PRKAR1B: variants seen among roughly 807,000 people sequenced by gnomAD.
PRKAR1B encodes the protein protein kinase cAMP-dependent type I regulatory subunit beta.
Under a neutral mutation model 46.5 loss-of-function variants are expected in PRKAR1B, and 22 were observed. The ratio of observed to expected loss-of-function variants is 0.47; its 90% confidence interval spans 0.34 to 0.68. PRKAR1B has a LOEUF of 0.68. Ranked by LOEUF, PRKAR1B falls within the 30% of genes least tolerant of loss-of-function variation. The probability of loss-of-function intolerance (pLI) is 0.01; values close to 1 mark genes in which losing one functional copy is unlikely to be tolerated. For missense variants in PRKAR1B, 445 were observed against 535.6 expected, an observed-to-expected ratio of 0.83 and a Z score of 1.67; for synonymous variants, 259 against 217.7, an observed-to-expected ratio of 1.19 and a Z score of -1.67.
At chr7:580,163 C>T (rs188967463) in intron 8 of PRKAR1B, among the ~76,000 whole-genome samples, 7 of 149,744 alleles carry the variant, frequency 4.7e-5, no homozygotes, top group African/African-American at 1.7e-4. Context: ...CGCGGGAGGT[C>T]GCGGCTGCAG....
At chr7:587,473 TG>T (rs1345352700) in intron 7 of PRKAR1B, among the ~76,000 whole-genome samples, 1 of 152,246 alleles carries the variant, frequency 6.6e-6, no homozygotes, top group African/African-American at 2.4e-5. Flanking sequence ...AGTGGGGGTC[TG>T]CCCTGGCCCC....
In PRKAR1B at chr7:550,225, T is replaced by TTTGTCCGC. The variant is rs1784095183; in HGVS notation, c.*197_*204dup. The TTTGTCCGC allele has an allele frequency of 8.7e-6, 5 of 576,252 alleles. No individual in the cohort carries two copies. In the South Asian group the frequency reaches 1.0e-4, roughly 12 times the overall value. 35.7% of individuals were successfully genotyped at this position (576,252 alleles called of 1,614,324 possible). ...TCCCTTCCTTGATCTTGGGATGCAT[T>TTTGTCCGC]TTGTCCGCTTGTCCTTTGATTTGGA... On this transcript the variant is annotated 3_prime_UTR_variant, in exon 11 of 11. Transcript: ENST00000537384.
chr7:582,204 G>A (rs1324111424), intron 8 of PRKAR1B, among the ~76,000 whole-genome samples: 1 of 152,286 alleles, frequency 6.6e-6, no homozygotes, highest in Non-Finnish European at 1.5e-5. Context: ...GAATTCTGCA[G>A]ACTTGCAGCT....
chr7:720,904 G>A (rs368093150), intron 1 of PRKAR1B, among the ~76,000 whole-genome samples: 32 of 152,274 alleles, frequency 2.1e-4, no homozygotes, highest in East Asian at 1.5e-3. Context: ...TCCACGTGGC[G>A]AACCTCTGTC....
intron 4 of PRKAR1B, among the ~76,000 whole-genome samples, chr7:646,471 G>A (rs1019728852): frequency 7.2e-5 from 11 of 152,252 alleles, no homozygotes; most frequent in Non-Finnish European, 1.2e-4. Flanking sequence ...GCAGCTCGAT[G>A]GTGGGGCAGG....
intron 7 of PRKAR1B, among the ~76,000 whole-genome samples, chr7:591,240 C>A (rs534859208): frequency 6.6e-6 from 1 of 152,202 alleles, no homozygotes; most frequent in Non-Finnish European, 1.5e-5. Flanking sequence ...CTGAGACGGT[C>A]GGTGAGGCAG....
At chr7:637,740 C>A (rs538721635) in intron 4 of PRKAR1B, among the ~76,000 whole-genome samples, 19 of 152,100 alleles carry the variant, frequency 1.2e-4, no homozygotes, top group Admixed American at 2.0e-4. Flanking sequence ...GAGGCTGAGG[C>A]AGCAGAATCG....
At chr7:700,600 T>C (rs1780004244) in intron 2 of PRKAR1B, among the ~76,000 whole-genome samples, 1 of 151,992 alleles carries the variant, frequency 6.6e-6, no homozygotes, top group African/African-American at 2.4e-5. Context: ...TTTTAACTAT[T>C]TTCCATGAAG....
intron 2 of PRKAR1B, among the ~76,000 whole-genome samples, chr7:688,444 C>A (rs1779224424): frequency 6.6e-6 from 1 of 152,036 alleles, no homozygotes; most frequent in South Asian, 2.1e-4. Flanking sequence ...CACTCCCCTG[C>A]CCACTGGAAC....
intron 2 of PRKAR1B, among the ~76,000 whole-genome samples, chr7:689,311 C>T (rs954807143): frequency 6.6e-5 from 10 of 151,630 alleles, no homozygotes; most frequent in African/African-American, 9.7e-5. Flanking sequence ...TTAGTAGAGA[C>T]GGGGCTTCAT....
Position 606,183 on chromosome 7 carries a change from C to T in PRKAR1B, c.549+10G>A, listed in dbSNP as rs748844364. 175 of 1,613,438 alleles carry T rather than the reference C, an allele frequency of 1.1e-4. 1 individual carries two copies. The highest frequency in any genetic ancestry group is 1.4e-4 in the Non-Finnish European group (166 of 1,179,648). On this transcript the variant is annotated intron_variant, in intron 6 of 10. Transcript: ENST00000537384. The stretch of plus-strand genomic sequence containing the variant: ...GCGCTATTTTCCAAAGACAAGTTAG[C>T]GACACTCACATCCACTTCCCCTTGA...
At chr7:550,751 G>T in intron 10 of PRKAR1B, 149 bp from the exon 11 acceptor site, 1 of 633,020 alleles carries the variant, frequency 1.6e-6, no homozygotes, top group Non-Finnish European at 2.7e-6. Context: ...TGTAGCATAA[G>T]TATAGCCCGA....
chr7:581,025 T>C (rs924634574), intron 8 of PRKAR1B, among the ~76,000 whole-genome samples: 27 of 152,162 alleles, frequency 1.8e-4, no homozygotes, highest in African/African-American at 6.5e-4. Context: ...CCGTACCAGC[T>C]GGGCGCGGTG....
intron 6 of PRKAR1B, among the ~76,000 whole-genome samples, chr7:603,853 G>C (rs1331837686): frequency 6.6e-6 from 1 of 151,226 alleles, no homozygotes; most frequent in East Asian, 1.9e-4. Flanking sequence ...GTGACACCAG[G>C]ACCCAGAATG....
chr7:634,745 T>C (rs1490325258), intron 4 of PRKAR1B, among the ~76,000 whole-genome samples: 1 of 151,956 alleles, frequency 6.6e-6, no homozygotes, highest in Non-Finnish European at 1.5e-5. Flanking sequence ...GTTCCAGTGA[T>C]TCCCCTGCCT....
intron 6 of PRKAR1B, among the ~76,000 whole-genome samples, chr7:598,368 C>T (rs1781394356): frequency 6.8e-6 from 1 of 146,300 alleles, no homozygotes; most frequent in Admixed American, 6.8e-5. Flanking sequence ...GCCCTCCCTC[C>T]AGCACCCTCC....
intron 2 of PRKAR1B, among the ~76,000 whole-genome samples, chr7:699,139 T>C (rs116404129): frequency 0.042 from 6,413 of 152,138 alleles, 426 homozygotes; most frequent in African/African-American, 0.13. Context: ...ACAGGCAAGG[T>C]GGGAAGGGTG....
intron 2 of PRKAR1B, among the ~76,000 whole-genome samples, chr7:695,358 G>C (rs549640373): frequency 6.6e-6 from 1 of 152,090 alleles, no homozygotes; most frequent in African/African-American, 2.4e-5. Flanking sequence ...AAGTACAGAC[G>C]TCCAGCCCAG....
At chr7:646,887 C>T (rs10224967) in intron 4 of PRKAR1B, among the ~76,000 whole-genome samples, 2,002 of 152,304 alleles carry the variant, frequency 0.013, 53 homozygotes, top group African/African-American at 0.046. Context: ...TGAGCTCACA[C>T]CCGGCAGGAT....
Sources: allele counts gnomAD v4.1 joint callset (sites outside exome capture counted in the v4.1 genomes callset), GRCh38; gene constraint gnomAD v4.1.1; transcripts MANE v1.5; gene names NCBI Gene and HGNC (gene_info 2026-07-23, HGNC 2026-07-21).